The following NCKAP5 variants were observed in gnomAD, a reference collection of about 807,000 sequenced individuals.
The protein encoded by NCKAP5 is NCK associated protein 5, also known as nck-associated protein 5.
A neutral mutation model predicts 167.0 loss-of-function variants in NCKAP5; 92 were observed. The observed-to-expected ratio is 0.55, with a 90% CI of 0.47 to 0.66. The LOEUF (loss-of-function observed/expected upper bound fraction) is 0.66, where lower values mean the gene tolerates loss of function less well. Among genes scored for constraint, NCKAP5 ranks in the 30% least tolerant of loss-of-function variants. NCKAP5 has a pLI of 0.00. For synonymous variants in NCKAP5, 891 were observed against 877.4 expected, an observed-to-expected ratio of 1.02 and a Z score of -0.27; for missense variants, 2,378 against 2,315.0, an observed-to-expected ratio of 1.03 and a Z score of -0.56.
intron 5 of NCKAP5, among the ~76,000 whole-genome samples, chr2:133,192,928 C>G (rs552085695): frequency 6.6e-6 from 1 of 152,132 alleles, no homozygotes; most frequent in East Asian, 1.9e-4. Context: ...TATGTTCGCA[C>G]AAAAACCTGT....
At chr2:132,914,086 C>T (rs2148965908) in intron 8 of NCKAP5, among the ~76,000 whole-genome samples, 1 of 152,246 alleles carries the variant, frequency 6.6e-6, no homozygotes, top group Non-Finnish European at 1.5e-5. Context: ...TCTTGGCATA[C>T]ATCAATTTCT....
chr2:133,590,917 ATGTG>A, the NCKAP5 span, among the ~76,000 whole-genome samples: 2 of 94,362 alleles, frequency 2.1e-5, no homozygotes, highest in Non-Finnish European at 3.8e-5. Flanking sequence ...TTGTGTGTGC[ATGTG>A]TGTGTGAGAG....
At chr2:133,590,642 C>T in the NCKAP5 span, among the ~76,000 whole-genome samples, 2 of 151,930 alleles carry the variant, frequency 1.3e-5, no homozygotes, top group Non-Finnish European at 2.9e-5. Context: ...AGTAGAAATT[C>T]CCAAAGGAGG....
At chr2:133,258,572 C>T (rs899670780) in intron 4 of NCKAP5, among the ~76,000 whole-genome samples, 1 of 151,928 alleles carries the variant, frequency 6.6e-6, no homozygotes, top group Non-Finnish European at 1.5e-5. Context: ...GGCAAAACCC[C>T]GTCTCTACAA....
At chr2:132,692,499 T>G (rs762587128) in intron 19 of NCKAP5, among the ~76,000 whole-genome samples, 5 of 152,102 alleles carry the variant, frequency 3.3e-5, no homozygotes, top group African/African-American at 4.8e-5. Context: ...TATTAAAATA[T>G]AAATACCATA....
At chr2:132,887,550 C>T (rs973005498) in intron 8 of NCKAP5, among the ~76,000 whole-genome samples, 2 of 152,166 alleles carry the variant, frequency 1.3e-5, no homozygotes, top group Non-Finnish European at 2.9e-5. Context: ...TTCTCCACAG[C>T]GCACACCATC....
chr2:132,747,601 CCT>C (rs1425760644), intron 16 of NCKAP5, among the ~76,000 whole-genome samples: 1 of 111,690 alleles, frequency 9.0e-6, no homozygotes, highest in Non-Finnish European at 1.9e-5. Flanking sequence ...CCCAGACACT[CCT>C]CTGCAGAGAG....
At chr2:133,182,425 G>A (rs1451680469) in intron 5 of NCKAP5, among the ~76,000 whole-genome samples, 1 of 152,276 alleles carries the variant, frequency 6.6e-6, no homozygotes, top group South Asian at 2.1e-4. Context: ...AAATCATACG[G>A]ACTGTGTTCT....
intron 6 of NCKAP5, among the ~76,000 whole-genome samples, chr2:133,076,720 T>C (rs2080616105): frequency 6.6e-6 from 1 of 152,196 alleles, no homozygotes; most frequent in Non-Finnish European, 1.5e-5. Flanking sequence ...TGGTTTGCAA[T>C]CCTCATAACT....
At position 132,784,299 on chromosome 2, in the gene NCKAP5, C is replaced by G. The variant is rs1010376554; in HGVS notation, c.2512G>C (p.Ala838Pro). 5.0e-6 allele frequency: 8 copies of G among 1,613,838 alleles called. No homozygotes were observed. Among genetic ancestry groups the G allele is most frequent in the Middle Eastern group, 1.7e-4 (1 of 6,060 alleles). Residue 838 changes from alanine to proline, a missense_variant, in exon 14 of 20, where the codon GCC becomes CCC. Transcript: ENST00000409261. The part of the protein sequence containing the change: ...SGLVTLEKSP[A>P]LAPGKLSRFM... The stretch of plus-strand genomic sequence containing the variant: ...CGTGAGAGTTTCCCAGGAGCTAAGG[C>G]TGGTGATTTTTCAAGAGTCACCAGG...
At chr2:133,366,162 A>T (rs1481782939) in intron 3 of NCKAP5, among the ~76,000 whole-genome samples, 1 of 152,208 alleles carries the variant, frequency 6.6e-6, no homozygotes, top group African/African-American at 2.4e-5. Flanking sequence ...AATTTTGGAC[A>T]ACCATTTTGA....
At chr2:132,871,945 T>C (rs1690856666) in intron 9 of NCKAP5, among the ~76,000 whole-genome samples, 2 of 152,190 alleles carry the variant, frequency 1.3e-5, no homozygotes, top group Admixed American at 6.5e-5. Flanking sequence ...CAACCTCTAC[T>C]AGGCTCAAAA....
chr2:133,090,223 A>G (rs1276163841), intron 6 of NCKAP5, among the ~76,000 whole-genome samples: 1 of 151,940 alleles, frequency 6.6e-6, no homozygotes, highest in East Asian at 1.9e-4. Flanking sequence ...AAAAAAAAAA[A>G]AAAAAGAAAA....
chr2:133,421,522 T>G (rs1402855307), intron 3 of NCKAP5, among the ~76,000 whole-genome samples: 4 of 152,174 alleles, frequency 2.6e-5, no homozygotes, highest in Non-Finnish European at 5.9e-5. Flanking sequence ...AGAATTCATG[T>G]TCCTTGCCTT....
intron 6 of NCKAP5, among the ~76,000 whole-genome samples, chr2:133,124,409 G>A (rs529801771): frequency 9.9e-5 from 15 of 152,242 alleles, no homozygotes; most frequent in African/African-American, 2.6e-4. Context: ...AATTATGTCC[G>A]CCAGGTGCTA....
At chr2:132,960,373 C>A (rs866874881) in intron 8 of NCKAP5, among the ~76,000 whole-genome samples, 1 of 152,050 alleles carries the variant, frequency 6.6e-6, no homozygotes, top group Non-Finnish European at 1.5e-5. Flanking sequence ...GAGCTGGCCA[C>A]GTTCTAAGGC....
chr2:133,572,994 C>T (rs575518999), upstream of NCKAP5, among the ~76,000 whole-genome samples: 5 of 152,058 alleles, frequency 3.3e-5, no homozygotes, highest in East Asian at 5.8e-4. Context: ...AGGAGGGAGC[C>T]CTGTGACCAA....
intron 5 of NCKAP5, among the ~76,000 whole-genome samples, chr2:133,190,753 C>G (rs1028583648): frequency 6.6e-6 from 1 of 152,154 alleles, no homozygotes; most frequent in Non-Finnish European, 1.5e-5. Flanking sequence ...TTCCTTACAC[C>G]TTATACAAAA....
intron 3 of NCKAP5, among the ~76,000 whole-genome samples, chr2:133,382,790 T>C (rs1013685461): frequency 5.1e-4 from 77 of 152,320 alleles, no homozygotes; most frequent in African/African-American, 1.8e-3. Context: ...TCAATGTCTG[T>C]CTCCTTACTC....
Sources: allele counts gnomAD v4.1 joint callset (sites outside exome capture counted in the v4.1 genomes callset), GRCh38; gene constraint gnomAD v4.1.1; transcripts MANE v1.5; gene names NCBI Gene and HGNC (gene_info 2026-07-23, HGNC 2026-07-21).